The following CATSPERG variants were observed in gnomAD, a reference collection of about 807,000 sequenced individuals.
The protein encoded by CATSPERG is cation channel sperm-associated auxiliary subunit gamma.
A neutral mutation model predicts 145.0 loss-of-function variants in CATSPERG; 115 were observed. That is an observed-to-expected ratio of 0.79 (90% CI 0.68 to 0.93). CATSPERG has a LOEUF of 0.93. CATSPERG is among the 40% of genes least tolerant of loss of function. The pLI is 0.00. For missense variants in CATSPERG, 1,296 were observed against 1,490.1 expected, an observed-to-expected ratio of 0.87 and a Z score of 2.14; for synonymous variants, 588 against 589.0, an observed-to-expected ratio of 1.00 and a Z score of 0.02.
At chr19:38,359,951 T>TGGGGGCTTGTGCATGTCAGG (rs1219351653) in intron 14 of CATSPERG, 1 of 1,036,938 alleles carries the variant, frequency 9.6e-7, no homozygotes, top group Non-Finnish European at 1.2e-6. Flanking sequence ...TGGCCCCGTC[T>TGGGGGCTTGTGCATGTCAGG]GGGGGCTTGT....
intron 1 of CATSPERG, chr19:38,336,177 T>A (rs1600435393): frequency 8.8e-6 from 4 of 453,312 alleles, no homozygotes; most frequent in South Asian, 6.2e-5. Context: ...GGCAAGAAGG[T>A]GTCGCGGTAC....
In CATSPERG at chr19:38,344,480, G is replaced by A. The variant is rs1600448885; in HGVS notation, c.669+112G>A. 4.0e-5 allele frequency: 35 copies of A among 874,948 alleles called. No homozygotes were observed. In the East Asian group the frequency reaches 8.8e-4, roughly 22 times the overall value. The allele number at this position is 874,948 out of a possible 1,614,324, so 54.2% of individuals were successfully genotyped here. ...TTTAGGGAGCACCAACTTCATGCCA[G>A]GCCCCACATGAAGATCCCATTAATC... On this transcript the variant is annotated intron_variant, in intron 6 of 28. Transcript: ENST00000409235.
At chr19:38,340,615 C>G (rs145769121) in intron 3 of CATSPERG, among the ~76,000 whole-genome samples, 1 of 151,620 alleles carries the variant, frequency 6.6e-6, no homozygotes, top group Non-Finnish European at 1.5e-5. Flanking sequence ...CCACCGCGCC[C>G]GGCCAATAAT....
chr19:38,362,905 G>GCAAGACCCTGTC, intron 20 of CATSPERG, 73 bp downstream of exon 20: 1 of 1,007,410 alleles, frequency 9.9e-7, no homozygotes, highest in Non-Finnish European at 1.5e-6. Flanking sequence ...TGGAGACAGG[G>GCAAGACCCTGTC]TCTTGCTCTG....
intron 20 of CATSPERG, among the ~76,000 whole-genome samples, chr19:38,363,182 G>A (rs990948372): frequency 1.3e-5 from 2 of 152,104 alleles, no homozygotes; most frequent in African/African-American, 4.8e-5. Flanking sequence ...GAGATTACAG[G>A]TGCATGCCAC....
At chr19:38,347,703 G>A (rs1371221698) in intron 7 of CATSPERG, among the ~76,000 whole-genome samples, 3 of 152,208 alleles carry the variant, frequency 2.0e-5, no homozygotes, top group African/African-American at 7.2e-5. Flanking sequence ...CACTTTGGGA[G>A]ACCGAGGCGG....
At chr19:38,359,422 G>A in intron 13 of CATSPERG, 48 bp from the exon 14 acceptor site, 2 of 1,229,626 alleles carry the variant, frequency 1.6e-6, no homozygotes, top group Non-Finnish European at 2.4e-6. Flanking sequence ...GGGATTGGGG[G>A]AAGCGGCTGT....
At chr19:38,366,900 G>T in intron 22 of CATSPERG, 1 of 484,964 alleles carries the variant, frequency 2.1e-6, no homozygotes, top group Non-Finnish European at 3.7e-6. Context: ...TACTGTGCTG[G>T]CCAGGCTAGT....
At chr19:38,346,656 C>A in intron 7 of CATSPERG, 51 bp downstream of exon 7, 3 of 1,493,614 alleles carry the variant, frequency 2.0e-6, no homozygotes, top group Non-Finnish European at 2.7e-6. Flanking sequence ...GGGAGCTGGG[C>A]CTCAGCCCCT....
At chr19:38,346,410 T>C (rs529951067) in intron 6 of CATSPERG, 40 bp from the exon 7 acceptor site, 1 of 1,482,598 alleles carries the variant, frequency 6.7e-7, no homozygotes, top group African/African-American at 1.4e-5. Context: ...CTCAGGAGAG[T>C]GGGGAGAGTG....
At chr19:38,366,333 A>C (rs548077999) in intron 22 of CATSPERG, 8 of 152,392 alleles carry the variant, frequency 5.2e-5, no homozygotes, top group African/African-American at 1.7e-4. Context: ...TTGGGCAGTC[A>C]AAAGGGGTTG....
At position 38,370,068 on chromosome 19, in the gene CATSPERG, A is replaced by G. The variant is rs1970519386; in HGVS notation, c.3113+4A>G. The G allele has an allele frequency of 6.2e-7, 1 of 1,614,136 alleles. No individual in the cohort carries two copies. Among genetic ancestry groups the G allele is most frequent in the Non-Finnish European group, 8.5e-7 (1 of 1,180,002 alleles). ...TCAAGGTGTTGGTGAGCAATAGGTG[A>G]GCCAGGCAAGTGGCCCAGGTGCGGG... On this transcript the variant is annotated splice_donor_region_variant and intron_variant, in intron 27 of 28. Coordinates refer to ENST00000409235, the MANE Select transcript of CATSPERG (RefSeq NM_021185.5).
At position 38,370,734 on chromosome 19, in the gene CATSPERG, G is replaced by A. The variant is rs941751378; in HGVS notation, c.3422G>A (p.Arg1141Lys). The A allele has an allele frequency of 8.1e-6, 13 of 1,614,104 alleles. No homozygotes were observed. The highest frequency in any genetic ancestry group is 8.0e-5 in the African/African-American group (6 of 75,028). Reference sequence around the variant, plus strand: ...AGGATGGGCTCCATGTTCAGCTCCAGGATGACAGAGGACAGGGCTGAACCC... The same window carrying A: ...AGGATGGGCTCCATGTTCAGCTCCAAGATGACAGAGGACAGGGCTGAACCC... ...HSRMGSMFSS[R>K]MTEDRAEPKE... The change falls in exon 29 of 29, where the codon AGG (arginine) becomes AAG (lysine). Residue 1141 changes from arginine (R) to lysine (K), a missense_variant. Physicochemically the swap from Arg to Lys is conservative, Grantham distance 26. Coordinates refer to ENST00000409235, the MANE Select transcript of CATSPERG (RefSeq NM_021185.5).
intron 1 of CATSPERG, chr19:38,336,578 A>T (rs910234198): frequency 6.8e-6 from 2 of 294,058 alleles, no homozygotes; most frequent in Non-Finnish European, 1.3e-5. Flanking sequence ...GACCAGGTAC[A>T]GTACCCAGCC....
intron 3 of CATSPERG, among the ~76,000 whole-genome samples, 158 bp from the exon 4 acceptor site, chr19:38,343,422 C>G (rs1221618159): frequency 1.3e-5 from 2 of 152,194 alleles, no homozygotes; most frequent in Non-Finnish European, 2.9e-5. Flanking sequence ...CATCCCCCAT[C>G]CAAGCCCCAA....
chr19:38,364,052 T>C (rs1406519969), intron 20 of CATSPERG, among the ~76,000 whole-genome samples: 3 of 136,182 alleles, frequency 2.2e-5, no homozygotes, highest in East Asian at 2.4e-4. Context: ...CGGGCAGAGG[T>C]GCCCCTCACC....
chr19:38,368,958 C>T (rs1171283928), intron 26 of CATSPERG, among the ~76,000 whole-genome samples: 1 of 152,054 alleles, frequency 6.6e-6, no homozygotes. Context: ...CCACCATGCC[C>T]GGTTAATTTT....
At chr19:38,354,916 C>A in intron 9 of CATSPERG, 69 bp downstream of exon 9, 3 of 1,544,796 alleles carry the variant, frequency 1.9e-6, no homozygotes. Context: ...AGAATTCTAA[C>A]CTTGGGCCCT....
chr19:38,341,117 G>A (rs60476363), intron 3 of CATSPERG, among the ~76,000 whole-genome samples: 3 of 152,300 alleles, frequency 2.0e-5, no homozygotes, highest in African/African-American at 7.2e-5. Context: ...GTGAGAGGGA[G>A]TGTGGGAGGA....
Sources: gnomAD v4.1 joint callset for allele counts (sites outside exome capture counted in the v4.1 genomes callset) on GRCh38, gnomAD v4.1.1 for gene constraint, MANE v1.5 for transcripts, NCBI Gene and HGNC (gene_info 2026-07-23, HGNC 2026-07-21) for gene names.